The following FBXW11 variants were observed in gnomAD, a reference collection of about 807,000 sequenced individuals.
FBXW11 encodes the protein F-box/WD repeat-containing protein 11.
In FBXW11, 19 loss-of-function variants were observed where a neutral mutation model predicts 77.6. The observed-to-expected ratio is 0.24, with a 90% CI of 0.17 to 0.36. FBXW11 has a LOEUF of 0.36. Ranked by LOEUF, FBXW11 falls within the 10% of genes least tolerant of loss-of-function variation. The pLI is 1.00. For missense variants in FBXW11, 334 were observed against 704.2 expected (o/e 0.47, Z 5.95); for synonymous variants, 235 against 249.4 (o/e 0.94, Z 0.54).
intron 2 of FBXW11, among the ~76,000 whole-genome samples, chr5:171,942,291 GCAGAGCTA>G (rs1347974193): frequency 6.6e-6 from 1 of 151,182 alleles, no homozygotes; most frequent in African/African-American, 2.4e-5. Context: ...TTCCTTTATA[GCAGAGCTA>G]CCCAGTTCAG....
At position 171,870,201 on chromosome 5, in the gene FBXW11, T is replaced by G. The variant is rs558121864; in HGVS notation, c.1452-394A>C. ...GATACCTTTCTCCAAATTAAGCAAA[T>G]GCTGGAAGTTAGTAATAGGAGTACA... On this transcript the variant is annotated intron_variant, in intron 11 of 13. Transcript: ENST00000517395. Among the ~76,000 whole-genome samples, 4 of 152,248 alleles carry G rather than the reference T, an allele frequency of 2.6e-5. No individual in the cohort carries two copies. In the South Asian group the frequency reaches 8.3e-4, roughly 32 times the overall value.
At chr5:171,956,776 C>A (rs1191231292) in intron 2 of FBXW11, among the ~76,000 whole-genome samples, 2 of 152,222 alleles carry the variant, frequency 1.3e-5, no homozygotes, top group Non-Finnish European at 2.9e-5. Context: ...ATCAAACTGT[C>A]TGGAATATGC....
At position 171,930,696 on chromosome 5, in the gene FBXW11, C is replaced by T. The variant is rs180989933; in HGVS notation, c.148-16291G>A. Reference sequence around the variant, plus strand: ...TATGACCCTGCCAAATCCCCCTCTGCGAGAAACACCCAAGAATGATCAATA... The same window carrying T: ...TATGACCCTGCCAAATCCCCCTCTGTGAGAAACACCCAAGAATGATCAATA... On this transcript the variant is annotated intron_variant, in intron 2 of 13. Transcript: ENST00000517395. 1.3e-3 allele frequency among the ~76,000 whole-genome samples: 191 copies of T among 141,834 alleles called. 1 individual carries two copies. Among genetic ancestry groups the T allele is most frequent in the Non-Finnish European group, 2.5e-3 (164 of 66,354 alleles). 93.0% of individuals were successfully genotyped at this position (141,834 alleles called of 152,430 possible). A position where few individuals can be genotyped will look rare whatever the true frequency, so the allele number is the denominator to read the frequency against.
At chr5:172,006,367 C>A (rs1766773791) in intron 1 of FBXW11, 91 bp downstream of exon 1, 1 of 1,213,124 alleles carries the variant, frequency 8.2e-7, no homozygotes, top group Non-Finnish European at 1.1e-6. Context: ...TGGGAAGGGC[C>A]AGAGCCGGCC....
At chr5:171,977,033 CT>C (rs1340895994) in intron 1 of FBXW11, among the ~76,000 whole-genome samples, 1 of 147,040 alleles carries the variant, frequency 6.8e-6, no homozygotes, top group Non-Finnish European at 1.5e-5. Context: ...AAAACTCCAA[CT>C]CAAAAAAAAA....
intron 2 of FBXW11, among the ~76,000 whole-genome samples, chr5:171,939,696 CAAAAAAAAAAAAAA>C (rs58051402): frequency 2.5e-5 from 2 of 80,062 alleles, no homozygotes; most frequent in African/African-American, 4.3e-5. Flanking sequence ...GACCCTGTCT[CAAAAAAAAAAAAAA>C]AAAAAAAAGA....
intron 2 of FBXW11, among the ~76,000 whole-genome samples, chr5:171,951,119 A>T (rs192165727): frequency 6.6e-6 from 1 of 152,252 alleles, no homozygotes; most frequent in East Asian, 1.9e-4. Context: ...TTGACCAAGC[A>T]ATTACACATA....
intron 4 of FBXW11, among the ~76,000 whole-genome samples, chr5:171,900,360 CA>C (rs1444340196): frequency 1.3e-5 from 2 of 152,150 alleles, no homozygotes; most frequent in African/African-American, 4.8e-5. Context: ...TGTTATTTGT[CA>C]AATATTAAGA....
At position 171,906,206 on chromosome 5, in the gene FBXW11, C is replaced by G. The variant is rs76974557; in HGVS notation, c.436+4366G>C. Among the ~76,000 whole-genome samples the G allele has an allele frequency of 2.2e-4, 33 of 152,284 alleles. 1 individual carries two copies. The East Asian group carries it at 6.4e-3, about 29-fold the overall frequency. ...ATTTCAAAGAGCAGCTGCAAAGAAA[C>G]TTCCTTTCCCACCCACCCGTGTTAT... On this transcript the variant is annotated intron_variant, in intron 4 of 13. Transcript: ENST00000517395.
At chr5:171,967,875 TATATATATACACACACAC>T (rs1279688834) in intron 1 of FBXW11, among the ~76,000 whole-genome samples, 1,023 of 54,300 alleles carry the variant, frequency 0.019, 9 homozygotes, top group East Asian at 0.066. Flanking sequence ...TATATATATA[TATATATATACACACACAC>T]ACACACACAC....
At chr5:171,987,253 A>G (rs954498353) in intron 1 of FBXW11, among the ~76,000 whole-genome samples, 5 of 152,116 alleles carry the variant, frequency 3.3e-5, no homozygotes, top group Non-Finnish European at 5.9e-5. Context: ...TTCATCACCC[A>G]TACTCCCTTC....
chr5:171,901,569 T>A (rs1178159431), intron 4 of FBXW11, among the ~76,000 whole-genome samples: 1 of 152,206 alleles, frequency 6.6e-6, no homozygotes, highest in Non-Finnish European at 1.5e-5. Flanking sequence ...GAATAAAGAC[T>A]ACACTGGGAC....
At chr5:171,974,234 A>G (rs1406689184) in intron 1 of FBXW11, among the ~76,000 whole-genome samples, 1 of 152,180 alleles carries the variant, frequency 6.6e-6, no homozygotes, top group African/African-American at 2.4e-5. Context: ...CAGGAGTTTG[A>G]GACCAGCCTG....
At chr5:171,963,495 G>A (rs761286761) in intron 1 of FBXW11, among the ~76,000 whole-genome samples, 3 of 152,184 alleles carry the variant, frequency 2.0e-5, no homozygotes, top group South Asian at 2.1e-4. Flanking sequence ...ACTTAATCCC[G>A]TAGAACAACA....
intron 6 of FBXW11, among the ~76,000 whole-genome samples, chr5:171,894,564 CTT>C (rs1403299054): frequency 6.6e-6 from 1 of 152,148 alleles, no homozygotes; most frequent in African/African-American, 2.4e-5. Context: ...GGTAACTCCT[CTT>C]CTCAATTCCC....
Position 171,942,504 on chromosome 5 carries a change from T to C in FBXW11, c.147+15093A>G, listed in dbSNP as rs141041003. Among the ~76,000 whole-genome samples the C allele has an allele frequency of 9.0e-4, 137 of 152,328 alleles. 1 individual carries two copies. The highest frequency in any genetic ancestry group is 6.1e-3 in the Admixed American group (94 of 15,300). On this transcript the variant is annotated intron_variant, in intron 2 of 13. Coordinates refer to ENST00000517395, the MANE Select transcript of FBXW11 (RefSeq NM_001378974.1). ...GTTTAAATGAATATCATAAAAGCGATTGCTGTTTTCTCATTGCTATTGTGA... is the reference window on the plus strand; with the variant it reads ...GTTTAAATGAATATCATAAAAGCGACTGCTGTTTTCTCATTGCTATTGTGA...
At chr5:171,991,279 AG>A (rs759241155) in intron 1 of FBXW11, among the ~76,000 whole-genome samples, 39 of 152,220 alleles carry the variant, frequency 2.6e-4, no homozygotes, top group Non-Finnish European at 5.4e-4. Flanking sequence ...CCTAGGAATT[AG>A]GGTCTGAAGT....
intron 1 of FBXW11, among the ~76,000 whole-genome samples, chr5:171,981,033 G>A (rs1765115243): frequency 6.6e-6 from 1 of 152,066 alleles, no homozygotes; most frequent in South Asian, 2.1e-4. Flanking sequence ...ACCATCTCCG[G>A]GAAAAGGAAA....
chr5:171,882,394 C>T (rs1270726173), intron 7 of FBXW11, among the ~76,000 whole-genome samples: 5 of 152,142 alleles, frequency 3.3e-5, no homozygotes, highest in South Asian at 2.1e-4. Context: ...TTTGACCTCC[C>T]GGGCTCAGGT....
Sources: gnomAD v4.1 joint callset for allele counts (sites outside exome capture counted in the v4.1 genomes callset) on GRCh38, gnomAD v4.1.1 for gene constraint, MANE v1.5 for transcripts, NCBI Gene and HGNC (gene_info 2026-07-23, HGNC 2026-07-21) for gene names.